The following DIP2A variants were observed in gnomAD, a reference collection of about 807,000 sequenced individuals.
DIP2A encodes DIP2 acetate--CoA ligase A, also known as disco-interacting protein 2 homolog A.
A neutral mutation model predicts 177.4 loss-of-function variants in DIP2A; 85 were observed. That is an observed-to-expected ratio of 0.48 (90% CI 0.40 to 0.57). DIP2A has a LOEUF of 0.57. Among genes scored for constraint, DIP2A ranks in the 20% least tolerant of loss-of-function variants. The probability of loss-of-function intolerance (pLI) is 0.00; values close to 1 mark genes in which losing one functional copy is unlikely to be tolerated. For missense variants in DIP2A, 1,791 were observed against 2,100.2 expected (o/e 0.85, Z 2.88); for synonymous variants, 886 against 881.8 (o/e 1.00, Z -0.08).
chr21:46,487,672 T>C (rs146821555), intron 2 of DIP2A, among the ~76,000 whole-genome samples: 2 of 152,334 alleles, frequency 1.3e-5, no homozygotes, highest in Admixed American at 6.5e-5. Flanking sequence ...GGCTTTTCTC[T>C]AGCAATATTT....
Position 46,556,462 on chromosome 21 carries a change from T to A in DIP2A, c.3498+371T>A, listed in dbSNP as rs1178412152. ...ACTTCGGGAGGCCGAGGCGGGTGGATCACAAGATCAAGAGATGGAGACCAT... is the reference window on the plus strand; with the variant it reads ...ACTTCGGGAGGCCGAGGCGGGTGGAACACAAGATCAAGAGATGGAGACCAT... On this transcript the variant is annotated intron_variant, in intron 29 of 37. Transcript: ENST00000417564. This position sits in a 1 kb window ranked among gnomAD's most constrained non-coding sequence, Gnocchi z 4.5. The A allele has an allele frequency of 5.5e-6, 6 of 1,087,680 alleles. No individual in the cohort carries two copies. Among genetic ancestry groups the A allele is most frequent in the Non-Finnish European group, 6.3e-6 (5 of 797,366 alleles). 67.4% of individuals were successfully genotyped at this position (1,087,680 alleles called of 1,614,324 possible).
Position 46,537,795 on chromosome 21 carries a change from C to A in DIP2A, c.1801+256C>A, listed in dbSNP as rs772727687. 3.3e-5 allele frequency among the ~76,000 whole-genome samples: 5 copies of A among 152,078 alleles called. No homozygotes were observed. Among genetic ancestry groups the A allele is most frequent in the Non-Finnish European group, 7.4e-5 (5 of 68,018 alleles). On this transcript the variant is annotated intron_variant, in intron 15 of 37. Coordinates refer to ENST00000417564, the MANE Select transcript of DIP2A (RefSeq NM_015151.4). This position sits in a 1 kb window ranked among gnomAD's most constrained non-coding sequence, Gnocchi z 4.1. ...GGGGTCTGGGCCTTACTTCTCTCAA[C>A]GGTTGAGGTGCCTCCTGGGACCAAG...
chr21:46,475,038 G>C (rs929367066), intron 1 of DIP2A, among the ~76,000 whole-genome samples: 1 of 151,978 alleles, frequency 6.6e-6, no homozygotes, highest in South Asian at 2.1e-4. Context: ...GGGGAAGTGG[G>C]CACTCAGCAG....
At chr21:46,543,629 C>A (rs1243508134) in intron 18 of DIP2A, among the ~76,000 whole-genome samples, 1 of 152,048 alleles carries the variant, frequency 6.6e-6, no homozygotes, top group Non-Finnish European at 1.5e-5. Flanking sequence ...GGACTGAGCC[C>A]CATGGTGAAT....
chr21:46,470,086 C>G (rs1015871393), intron 1 of DIP2A, among the ~76,000 whole-genome samples: 3 of 152,304 alleles, frequency 2.0e-5, no homozygotes, highest in Admixed American at 6.5e-5. Flanking sequence ...GCCTGTAATT[C>G]CAGCTCTTTG....
At chr21:46,495,240 T>TCTCTCTC (rs60545868) in intron 3 of DIP2A, among the ~76,000 whole-genome samples, 229 of 47,542 alleles carry the variant, frequency 4.8e-3, no homozygotes, top group Middle Eastern at 0.013. Flanking sequence ...TTCTCTTCTC[T>TCTCTCTC]TCTTTCTCTC....
At chr21:46,508,751 G>A (rs543997443) in intron 6 of DIP2A, among the ~76,000 whole-genome samples, 8 of 151,958 alleles carry the variant, frequency 5.3e-5, no homozygotes, top group African/African-American at 1.7e-4. Context: ...GGCCGGGCGC[G>A]GTGGCACACG....
chr21:46,550,235 C>T, intron 22 of DIP2A: 1 of 638,602 alleles, frequency 1.6e-6, no homozygotes. Context: ...CTTTCCTCCT[C>T]CTGTCTAATT....
At chr21:46,540,932 T>C (rs1416303935) in intron 17 of DIP2A, among the ~76,000 whole-genome samples, 1 of 151,454 alleles carries the variant, frequency 6.6e-6, no homozygotes, top group African/African-American at 2.4e-5. Flanking sequence ...GGCGAATCGC[T>C]TGAACCCAGG....
rs370091831 is a variant in DIP2A, at chr21:46,545,164, G to A, written c.2204G>A (p.Gly735Asp). 3.7e-6 allele frequency: 6 copies of A among 1,603,610 alleles called. No homozygotes were observed. The South Asian group carries it at 4.4e-5, about 12-fold the overall frequency. Residue 735 changes from glycine (G) to aspartate (D), a missense_variant, in exon 19 of 38, where the codon GGT (glycine) becomes GAT (aspartate). Gly to Asp is a moderately conservative substitution (Grantham distance 94). Coordinates refer to ENST00000417564, the MANE Select transcript of DIP2A (RefSeq NM_015151.4). ...GANVCVVKLE[G>D]TPYLCKTDEV... ...AATGTATGTGTTGTGAAGTTAGAAG[G>A]TACCCCTTATCTTTGTAAAACTGAT...
In DIP2A at chr21:46,554,818, G is replaced by T; in HGVS notation, c.3277-4G>T. ...CCACCCACCCTTGGCCCCTCGCCAT[G>T]CAGGTCAGCAAGTCTGCATGCGTCC... On this transcript the variant is annotated splice_polypyrimidine_tract_variant and splice_region_variant and intron_variant, in intron 27 of 37. Transcript: ENST00000417564. 1.1e-6 allele frequency: 1 copy of T among 921,572 alleles called. No homozygotes were observed. The allele number at this position is 921,572 out of a possible 1,614,324, so 57.1% of individuals were successfully genotyped here. A position where few individuals can be genotyped will look rare whatever the true frequency, so the allele number is the denominator to read the frequency against.
Position 46,555,973 on chromosome 21 carries a change from G to T in DIP2A, c.3389-9G>T, listed in dbSNP as rs1569105331. 6.2e-7 allele frequency: 1 copy of T among 1,604,654 alleles called. No individual in the cohort carries two copies. Among genetic ancestry groups the T allele is most frequent in the Middle Eastern group, 1.7e-4 (1 of 6,040 alleles). On this transcript the variant is annotated splice_polypyrimidine_tract_variant and intron_variant, in intron 28 of 37. Transcript: ENST00000417564. ...AACACTAATGTTGCTGGTGTCTCCT[G>T]TTTAACAGATGACATCCCAAAAAAG... is the stretch of plus-strand genomic sequence containing the variant.
rs765509070 is a variant in DIP2A at position 46,545,949 on chromosome 21, C to T, written c.2382C>T (p.Gly794=). ...DRPFTRTGLL[G]FIGPDNLVFI... is the part of the protein sequence containing the mutation. Reference sequence around the variant, plus strand: ...CATTCACCAGGACAGGCCTGCTGGGCTTCATCGGGCCTGTGAGTATGTCCT... The same window carrying T: ...CATTCACCAGGACAGGCCTGCTGGGTTTCATCGGGCCTGTGAGTATGTCCT... The change falls in exon 20 of 38, where the codon GGC becomes GGT. Residue 794 remains glycine, a synonymous_variant. Coordinates refer to ENST00000417564, the MANE Select transcript of DIP2A (RefSeq NM_015151.4). The T allele has an allele frequency of 2.5e-6, 4 of 1,614,014 alleles. No individual in the cohort carries two copies. The South Asian group carries it at 4.4e-5, about 18-fold the overall frequency.
rs1333286863 is a variant in DIP2A at position 46,529,165 on chromosome 21, A to G, written c.1176A>G (p.Leu392=). ...LNKLTSKNEP[L]LKPGDRVALV... is the part of the protein sequence containing the mutation. ...AACTGACAAGTAAGAATGAACCTCT[A>G]CTTAAACCTGGAGACAGAGTAAGTA... The change falls in exon 9 of 38, where the codon CTA becomes CTG. Residue 392 remains leucine, a synonymous_variant. Coordinates refer to ENST00000417564, the MANE Select transcript of DIP2A (RefSeq NM_015151.4). 3 of 1,532,512 alleles carry G rather than the reference A, an allele frequency of 2.0e-6. No individual in the cohort carries two copies. Among genetic ancestry groups the G allele is most frequent in the Non-Finnish European group, 2.6e-6 (3 of 1,137,954 alleles). The allele number at this position is 1,532,512 out of a possible 1,614,324, so 94.9% of individuals were successfully genotyped here.
chr21:46,485,268 G>C (rs1568945162), intron 2 of DIP2A, among the ~76,000 whole-genome samples: 2 of 152,012 alleles, frequency 1.3e-5, no homozygotes, highest in East Asian at 3.9e-4. Flanking sequence ...AACTTAACGA[G>C]TTAGTTCTAA....
downstream of DIP2A, among the ~76,000 whole-genome samples, chr21:46,571,989 G>A (rs1204611051): frequency 6.6e-6 from 1 of 152,104 alleles, no homozygotes; most frequent in Non-Finnish European, 1.5e-5. Flanking sequence ...GTTTTCAAAG[G>A]GAATCCTTCC....
chr21:46,470,493 C>G (rs1057112185), intron 1 of DIP2A, among the ~76,000 whole-genome samples: 1 of 148,908 alleles, frequency 6.7e-6, no homozygotes, highest in Non-Finnish European at 1.5e-5. Context: ...AAAGGGGGGG[C>G]CAGGCACGGT....
At chr21:46,545,984 G>A in intron 20 of DIP2A, 23 bp downstream of exon 20, 3 of 1,613,902 alleles carry the variant, frequency 1.9e-6, no homozygotes, top group Non-Finnish European at 1.7e-6. Context: ...TCCTGTACCA[G>A]CACTGGCAGT....
Position 46,477,283 on chromosome 21 carries a change from G to A in DIP2A, c.92-7474G>A, listed in dbSNP as rs540266621. Among the ~76,000 whole-genome samples the A allele has an allele frequency of 1.5e-3, 230 of 152,054 alleles. 1 individual carries two copies. Among genetic ancestry groups the A allele is most frequent in the Middle Eastern group, 0.01 (3 of 294 alleles). On this transcript the variant is annotated intron_variant, in intron 1 of 37. Coordinates refer to ENST00000417564, the MANE Select transcript of DIP2A (RefSeq NM_015151.4). ...TTTTTATCCAGGCGTGGTGGCTCAC[G>A]TCTGTAATCCCAGCACTTTGGGAGG...
Sources: gnomAD v4.1 joint callset for allele counts (sites outside exome capture counted in the v4.1 genomes callset) on GRCh38, gnomAD v4.1.1 for gene constraint, Gnocchi (gnomAD v3.1) non-coding constraint, MANE v1.5 for transcripts, NCBI Gene and HGNC (gene_info 2026-07-23, HGNC 2026-07-21) for gene names.